Variants in CTSH observed in about 807,000 individuals in gnomAD.
The protein encoded by CTSH is cathepsin H, also known as pro-cathepsin H.
A neutral mutation model predicts 56.3 loss-of-function variants in CTSH; 52 were observed. The ratio of observed to expected loss-of-function variants is 0.92; its 90% CI spans 0.74 to 1.16. The LOEUF is 1.16. Ranked by LOEUF, CTSH falls within the 50% of genes most tolerant of loss-of-function variation. CTSH has a pLI of 0.00. For missense variants in CTSH, 406 were observed against 424.5 expected (o/e 0.96, Z 0.38); for synonymous variants, 174 against 155.7 (o/e 1.12, Z -0.88).
At chr15:78,938,345 G>T (rs2055219721) in intron 2 of CTSH, among the ~76,000 whole-genome samples, 1 of 151,840 alleles carries the variant, frequency 6.6e-6, no homozygotes, top group African/African-American at 2.4e-5. Flanking sequence ...CTTCAGCCTG[G>T]GTGACAAAGT....
At chr15:78,926,731 T>C (rs2054910984) in intron 9 of CTSH, 1 of 152,230 alleles carries the variant, frequency 6.6e-6, no homozygotes, top group Non-Finnish European at 1.5e-5. Context: ...ATTTCCTAGC[T>C]CTGTGGCCTT....
At chr15:78,944,238 G>A (rs116237882) in intron 1 of CTSH, among the ~76,000 whole-genome samples, 2,027 of 152,304 alleles carry the variant, frequency 0.013, 41 homozygotes, top group African/African-American at 0.047. Context: ...TTCAGCCAGG[G>A]GAGGTGCCTG....
At chr15:78,922,427 T>C (rs141519516) in intron 11 of CTSH, among the ~76,000 whole-genome samples, 2 of 152,268 alleles carry the variant, frequency 1.3e-5, no homozygotes, top group Non-Finnish European at 2.9e-5. Flanking sequence ...ATGATCCATA[T>C]CCCACTTCTC....
In CTSH at chr15:78,927,728, TA is replaced by T. The variant is rs1567353255; in HGVS notation, c.683del (p.Val228GlufsTer22). 6.2e-7 allele frequency: 1 copy of T among 1,614,136 alleles called. No homozygotes were observed. On this transcript the variant is annotated frameshift_variant, in exon 9 of 12. Coordinates refer to ENST00000220166, the MANE Select transcript of CTSH (RefSeq NM_004390.5). LOFTEE classifies it high-confidence loss of function. ...PGKAIGFVKD[V>X]ANITIYDEEA... Reference sequence around the variant, plus strand: ...CGGCACTCACGATTGTGATGTTGGCTACATCCTTGACAAAGCCGATGGCCTT... The same window carrying T: ...CGGCACTCACGATTGTGATGTTGGCTCATCCTTGACAAAGCCGATGGCCTT...
intron 8 of CTSH, 81 bp downstream of exon 8, chr15:78,929,331 G>T: frequency 9.4e-7 from 1 of 1,061,612 alleles, no homozygotes; most frequent in Non-Finnish European, 1.4e-6. Flanking sequence ...GGGGGAGAAG[G>T]GATGTCTTCC....
intron 1 of CTSH, among the ~76,000 whole-genome samples, chr15:78,940,169 A>T (rs947355905): frequency 2.6e-5 from 3 of 117,500 alleles, no homozygotes; most frequent in African/African-American, 7.5e-5. Context: ...ATATTTTACA[A>T]AAGCAGGCCA....
rs1378657275 is a variant in CTSH at position 78,932,320 on chromosome 15, A to G, written c.492+52T>C. 9 of 1,521,840 alleles carry G rather than the reference A, an allele frequency of 5.9e-6. No homozygotes were observed. The East Asian group carries it at 2.0e-4, about 34-fold the overall frequency. 94.3% of individuals were successfully genotyped at this position (1,521,840 alleles called of 1,614,324 possible). A position where few individuals can be genotyped will look rare whatever the true frequency, so the allele number is the denominator to read the frequency against. Reference sequence around the variant, plus strand: ...GAAACCAAAGGCCCAGGCCTGGCCCACATCAGGATGGGGTGTCCTCCGCAG... The same window carrying G: ...GAAACCAAAGGCCCAGGCCTGGCCCGCATCAGGATGGGGTGTCCTCCGCAG... On this transcript the variant is annotated intron_variant, in intron 6 of 11. Transcript: ENST00000220166.
chr15:78,937,265 G>T, intron 3 of CTSH, 53 bp downstream of exon 3: 1 of 1,503,982 alleles, frequency 6.6e-7, no homozygotes, highest in Non-Finnish European at 9.2e-7. Flanking sequence ...CCTTTCATGG[G>T]CTGGGTCACT....
intron 10 of CTSH, among the ~76,000 whole-genome samples, chr15:78,925,084 G>T (rs981682949): frequency 6.6e-6 from 1 of 152,204 alleles, no homozygotes; most frequent in Non-Finnish European, 1.5e-5. Flanking sequence ...CACTAGCCAG[G>T]TGGCCTGTGT....
chr15:78,931,763 G>A, intron 6 of CTSH: 1 of 1,405,874 alleles, frequency 7.1e-7, no homozygotes, highest in African/African-American at 1.4e-5. Context: ...GGGCTGTTGG[G>A]TCCAAACCCC....
intron 2 of CTSH, 110 bp from the exon 3 acceptor site, chr15:78,937,533 T>C (rs2055202164): frequency 7.4e-7 from 1 of 1,356,154 alleles, no homozygotes; most frequent in African/African-American, 1.5e-5. Flanking sequence ...TCTGCTATGA[T>C]TCTCAGGCCA....
At chr15:78,927,481 A>G (rs2141525344) in intron 9 of CTSH, 3 of 575,442 alleles carry the variant, frequency 5.2e-6, no homozygotes, top group East Asian at 2.9e-5. Flanking sequence ...GAATGAAGGC[A>G]TGTGTGGATC....
chr15:78,929,557 G>T, intron 7 of CTSH, 64 bp from the exon 8 acceptor site: 2 of 1,186,394 alleles, frequency 1.7e-6, no homozygotes, highest in South Asian at 1.4e-5. Flanking sequence ...GGCCCTCGGG[G>T]ACTGGCGTGG....
At chr15:78,944,589 T>G in intron 1 of CTSH, 1 of 315,026 alleles carries the variant, frequency 3.2e-6, no homozygotes, top group South Asian at 7.0e-5. Context: ...TGTCCCCAGT[T>G]GAGGAAGGCG....
At chr15:78,934,763 C>T in intron 5 of CTSH, 1 of 642,508 alleles carries the variant, frequency 1.6e-6, no homozygotes, top group Non-Finnish European at 2.9e-6. Context: ...AAACTTTAGC[C>T]CAATAAAGAG....
intron 2 of CTSH, chr15:78,937,917 T>C: frequency 1.3e-6 from 1 of 795,060 alleles, no homozygotes; most frequent in Non-Finnish European, 1.8e-6. Context: ...TAATGTGTAA[T>C]AATCAAATCA....
rs368423187 is a variant in CTSH, at chr15:78,937,314, G to A, written c.229+4C>T. On this transcript the variant is annotated splice_donor_region_variant and intron_variant, in intron 3 of 11. Transcript: ENST00000220166. Reference sequence around the variant, plus strand: ...CCAGGAAGGAAGGAAGGCGTTCCACGTACTTTTAAATGTGTGGTTCCCATT... The same window carrying A: ...CCAGGAAGGAAGGAAGGCGTTCCACATACTTTTAAATGTGTGGTTCCCATT... 3.6e-5 allele frequency: 58 copies of A among 1,611,128 alleles called. No homozygotes were observed. Among genetic ancestry groups the A allele is most frequent in the Middle Eastern group, 1.7e-4 (1 of 5,876 alleles).
chr15:78,927,658 G>C (rs2054940431), intron 9 of CTSH, 55 bp downstream of exon 9: 1 of 1,522,546 alleles, frequency 6.6e-7, no homozygotes, highest in African/African-American at 1.4e-5. Flanking sequence ...GACAGCATGA[G>C]AGAGGCCTCC....
At chr15:78,933,231 C>A (rs1334807447) in intron 5 of CTSH, among the ~76,000 whole-genome samples, 6 of 152,232 alleles carry the variant, frequency 3.9e-5, no homozygotes, top group African/African-American at 1.4e-4. Flanking sequence ...TGCCACACAC[C>A]AGGTGGGTGA....
Sources: gnomAD v4.1 joint callset for allele counts (sites outside exome capture counted in the v4.1 genomes callset) on GRCh38, gnomAD v4.1.1 for gene constraint, MANE v1.5 for transcripts, NCBI Gene and HGNC (gene_info 2026-07-23, HGNC 2026-07-21) for gene names.